Variants in NAV2 observed in about 807,000 individuals in gnomAD.
The protein encoded by NAV2 is helicase, APC down-regulated 1.
In NAV2, 54 loss-of-function variants were observed where a neutral mutation model predicts 223.2. That is an observed-to-expected ratio of 0.24 (90% CI 0.19 to 0.30). NAV2 has a LOEUF of 0.30. Ranked by LOEUF, NAV2 falls within the 10% of genes least tolerant of loss-of-function variation. The probability of loss-of-function intolerance (pLI) is 1.00; values close to 1 mark genes in which losing one functional copy is unlikely to be tolerated. For synonymous variants in NAV2, 1,279 were observed against 1,239.3 expected (o/e 1.03, Z -0.67); for missense variants, 2,806 against 3,147.5 (o/e 0.89, Z 2.60).
chr11:19,591,031 C>A (rs571119858), intron 1 of NAV2: 2 of 152,258 alleles, frequency 1.3e-5, no homozygotes, highest in East Asian at 3.9e-4. Flanking sequence ...CACTTTAGGG[C>A]CCTAGCAGTT....
At chr11:19,688,128 G>A (rs7938698) in intron 1 of NAV2, among the ~76,000 whole-genome samples, 31,454 of 152,106 alleles carry the variant, frequency 0.21, 5,220 homozygotes, top group African/African-American at 0.46. Flanking sequence ...CCTAGAGTTG[G>A]CTCATTATCA....
chr11:20,103,416 G>A lies in NAV2; in HGVS notation c.6572+7G>A, dbSNP rs772758287. 1.9e-5 allele frequency: 30 copies of A among 1,612,218 alleles called. No homozygotes were observed. The highest frequency in any genetic ancestry group is 2.4e-5 in the Non-Finnish European group (28 of 1,178,990). ...ACTGCAAGTACCACAAATGGTAAAGGCTGGTTCTGGACCTCATAGCCCCCC... is the reference window on the plus strand; with the variant it reads ...ACTGCAAGTACCACAAATGGTAAAGACTGGTTCTGGACCTCATAGCCCCCC... On this transcript the variant is annotated splice_region_variant and intron_variant, in intron 33 of 37. Transcript: ENST00000349880.
Position 19,777,103 on chromosome 11 carries a change from C to G in NAV2, c.268-55381C>G, listed in dbSNP as rs1248950161. On this transcript the variant is annotated intron_variant, in intron 1 of 37. Coordinates refer to ENST00000349880, the MANE Select transcript of NAV2 (RefSeq NM_145117.5). ...ACTCACCAGCCGCCGACCCCCCCCC[C>G]CACCCCGCCCTCGGCCGCCGCGGCC... Among the ~76,000 whole-genome samples the G allele has an allele frequency of 6.6e-5, 10 of 150,716 alleles. No homozygotes were observed. In the East Asian group the frequency reaches 1.8e-3, roughly 27 times the overall value.
chr11:20,045,577 T>C lies in NAV2; in HGVS notation c.3809T>C (p.Val1270Ala), dbSNP rs766867820. 2 of 1,614,152 alleles carry C rather than the reference T, an allele frequency of 1.2e-6. No individual in the cohort carries two copies. The highest frequency in any genetic ancestry group is 1.1e-5 in the South Asian group (1 of 91,080). ...ESVASCNSVKVNPAAQPVSSP... is the reference protein window; with the variant it reads ...ESVASCNSVKANPAAQPVSSP... ...GTGGCTTCCTGTAACTCGGTGAAAG[T>C]GAATCCGGCAGCCCAGCCTGTGTCC... The change falls in exon 14 of 38, where the codon GTG (valine) becomes GCG (alanine). Residue 1270 changes from valine to alanine, a missense_variant. Coordinates refer to ENST00000349880, the MANE Select transcript of NAV2 (RefSeq NM_145117.5).
At chr11:19,858,882 G>A (rs556800498) in intron 3 of NAV2, among the ~76,000 whole-genome samples, 48 of 152,264 alleles carry the variant, frequency 3.2e-4, no homozygotes, top group South Asian at 1.5e-3. Flanking sequence ...AGGAAATGCC[G>A]CTGGTATGAA....
intron 11 of NAV2, among the ~76,000 whole-genome samples, chr11:20,013,362 C>T (rs1358318123): frequency 6.6e-6 from 1 of 152,142 alleles, no homozygotes; most frequent in African/African-American, 2.4e-5. Flanking sequence ...CAGTTTTTCT[C>T]TTAGAGACTA....
chr11:19,577,790 G>A (rs541238983), intron 1 of NAV2, among the ~76,000 whole-genome samples: 2 of 152,264 alleles, frequency 1.3e-5, no homozygotes, highest in Admixed American at 6.5e-5. Context: ...ACTATTGGGG[G>A]CTGCTTTCTG....
At chr11:19,457,614 A>G (rs1028969794) in intron 1 of NAV2, among the ~76,000 whole-genome samples, 63 of 152,118 alleles carry the variant, frequency 4.1e-4, no homozygotes, top group East Asian at 1.2e-3. Flanking sequence ...TGCATTTTTT[A>G]AAAGGTCACT....
intron 1 of NAV2, among the ~76,000 whole-genome samples, chr11:19,468,026 A>T (rs1041724425): frequency 2.0e-5 from 3 of 152,128 alleles, no homozygotes; most frequent in African/African-American, 2.4e-5. Flanking sequence ...GGGCAGAAGG[A>T]GCTGATGAGG....
intron 1 of NAV2, among the ~76,000 whole-genome samples, chr11:19,523,113 C>T (rs558318330): frequency 1.3e-5 from 2 of 152,326 alleles, no homozygotes; most frequent in East Asian, 1.9e-4. Flanking sequence ...GAGAGGGTAC[C>T]TCACTTGTCC....
At chr11:19,563,088 A>G (rs1016087418) in intron 1 of NAV2, among the ~76,000 whole-genome samples, 2 of 152,240 alleles carry the variant, frequency 1.3e-5, no homozygotes, top group Non-Finnish European at 2.9e-5. Flanking sequence ...TTTGATTGCT[A>G]TGAGAGCTCT....
intron 1 of NAV2, among the ~76,000 whole-genome samples, chr11:19,388,292 C>T (rs910607156): frequency 1.3e-5 from 2 of 152,200 alleles, no homozygotes; most frequent in Non-Finnish European, 2.9e-5. Context: ...ACCCATCGCT[C>T]ATCTCTGAAA....
chr11:20,085,314 A>G (rs1565026624), intron 26 of NAV2, among the ~76,000 whole-genome samples: 2 of 152,182 alleles, frequency 1.3e-5, no homozygotes, highest in African/African-American at 4.8e-5. Context: ...CCCCATTCTC[A>G]GTTGTGGTTA....
intron 10 of NAV2, among the ~76,000 whole-genome samples, chr11:19,955,736 A>G (rs1177061028): frequency 2.0e-5 from 3 of 152,218 alleles, no homozygotes; most frequent in African/African-American, 7.2e-5. Context: ...AGTACCCTGA[A>G]TCAAAGGGGG....
chr11:19,350,860 G>A (rs991806515), exon 1 of NAV2: 2 of 1,242,526 alleles, frequency 1.6e-6, no homozygotes, highest in Admixed American at 4.0e-5. Context: ...ACTCTGTCTG[G>A]CTGTTGCATG....
chr11:19,860,578 C>G (rs1347575059), intron 3 of NAV2, among the ~76,000 whole-genome samples: 1 of 149,018 alleles, frequency 6.7e-6, no homozygotes, highest in Non-Finnish European at 1.5e-5. Context: ...CTCCTCACAT[C>G]CCAGACGATG....
intron 11 of NAV2, among the ~76,000 whole-genome samples, chr11:20,005,601 T>C (rs1384178647): frequency 6.7e-6 from 1 of 149,844 alleles, no homozygotes; most frequent in Non-Finnish European, 1.5e-5. Context: ...GTCCTATCTG[T>C]AATAAGACAG....
chr11:19,591,629 T>C (rs2046065944), intron 1 of NAV2, among the ~76,000 whole-genome samples: 2 of 152,252 alleles, frequency 1.3e-5, no homozygotes, highest in Admixed American at 6.5e-5. Flanking sequence ...AAAGATCAAT[T>C]AGTGTAAGTG....
intron 11 of NAV2, among the ~76,000 whole-genome samples, chr11:20,018,129 G>A (rs2054167853): frequency 1.3e-5 from 2 of 152,040 alleles, no homozygotes; most frequent in African/African-American, 2.4e-5. Context: ...CAAGGCAGGC[G>A]GATCACTTGA....
Sources: gnomAD v4.1 joint callset for allele counts (sites outside exome capture counted in the v4.1 genomes callset) on GRCh38, gnomAD v4.1.1 for gene constraint, MANE v1.5 for transcripts, NCBI Gene and HGNC (gene_info 2026-07-23, HGNC 2026-07-21) for gene names.